The following CLYBL variants were observed in gnomAD, a reference collection of about 807,000 sequenced individuals.
CLYBL encodes citramalyl-CoA lyase, mitochondrial.
Under a neutral mutation model 38.9 loss-of-function variants are expected in CLYBL, and 31 were observed. That is an observed-to-expected ratio of 0.80 (90% CI 0.60 to 1.08). The LOEUF is 1.08. Among genes scored for constraint, CLYBL ranks in the 50% least tolerant of loss-of-function variants. The pLI is 0.00. For missense variants in CLYBL, 434 were observed against 411.6 expected (o/e 1.05, Z -0.47); for synonymous variants, 171 against 158.6 (o/e 1.08, Z -0.59).
chr13:99,767,224 G>A (rs2049286515), intron 1 of CLYBL, among the ~76,000 whole-genome samples: 2 of 152,120 alleles, frequency 1.3e-5, no homozygotes, highest in Admixed American at 1.3e-4. Flanking sequence ...ATCTGCTCAG[G>A]GTTTTTTCTG....
chr13:99,779,263 CT>C (rs1244229606), intron 2 of CLYBL, among the ~76,000 whole-genome samples: 1 of 152,100 alleles, frequency 6.6e-6, no homozygotes, highest in Non-Finnish European at 1.5e-5. Flanking sequence ...CTGCCTCAGC[CT>C]CCCAAGTAGC....
rs767129851 is a variant in CLYBL at position 99,736,038 on chromosome 13, C to CTTTTTTT, written c.63-36768_63-36762dup. On this transcript the variant is annotated intron_variant, in intron 1 of 8. Transcript: ENST00000339105. Reference sequence around the variant, plus strand: ...TTACTATATCCTATACGTTTCTTTTCTTTTTTTTTTTTTTTTTTTTTTTTG... The same window carrying CTTTTTTT: ...TTACTATATCCTATACGTTTCTTTTCTTTTTTTTTTTTTTTTTTTTTTTTTTTTTTTG... 8.5e-3 allele frequency among the ~76,000 whole-genome samples: 645 copies of CTTTTTTT among 76,228 alleles called. 10 individuals carry two copies. The highest frequency in any genetic ancestry group is 0.016 in the Middle Eastern group (1 of 64). The allele number at this position is 76,228 out of a possible 152,430, so 50.0% of individuals were successfully genotyped here.
intron 7 of CLYBL, among the ~76,000 whole-genome samples, chr13:99,875,082 A>G (rs1465570261): frequency 6.6e-6 from 1 of 152,176 alleles, no homozygotes; most frequent in Admixed American, 6.5e-5. Flanking sequence ...TGGCTTTTTC[A>G]ATATTTCTCC....
At chr13:99,891,554 G>T (rs2052490620) in intron 8 of CLYBL, 117 bp downstream of exon 8, 1 of 574,984 alleles carries the variant, frequency 1.7e-6, no homozygotes, top group Non-Finnish European at 3.1e-6. Context: ...TCACAATTTT[G>T]TTGTTGTTGT....
intron 4 of CLYBL, among the ~76,000 whole-genome samples, chr13:99,863,821 C>T (rs1479425695): frequency 6.6e-6 from 1 of 152,156 alleles, no homozygotes; most frequent in African/African-American, 2.4e-5. Context: ...ATTCCCTTCC[C>T]CCACCCCAGC....
intron 1 of CLYBL, among the ~76,000 whole-genome samples, chr13:99,752,727 C>T (rs1037665835): frequency 6.6e-6 from 1 of 152,058 alleles, no homozygotes; most frequent in Non-Finnish European, 1.5e-5. Context: ...GTGTCACCCC[C>T]TCATGGCTCA....
At chr13:99,634,820 C>A (rs940933583) in intron 1 of CLYBL, among the ~76,000 whole-genome samples, 1 of 152,152 alleles carries the variant, frequency 6.6e-6, no homozygotes, top group Non-Finnish European at 1.5e-5. Context: ...TTCTTTCCTA[C>A]TCTGTTAGCA....
intron 1 of CLYBL, among the ~76,000 whole-genome samples, chr13:99,657,923 C>G (rs1192435373): frequency 6.6e-6 from 1 of 152,240 alleles, no homozygotes; most frequent in Non-Finnish European, 1.5e-5. Flanking sequence ...TCCTTAGGAG[C>G]TGCTCGCCCT....
intron 9 of CLYBL, among the ~76,000 whole-genome samples, chr13:99,907,378 G>A (rs1452808544): frequency 2.0e-5 from 3 of 152,060 alleles, no homozygotes; most frequent in African/African-American, 7.2e-5. Context: ...TGTAGGCACT[G>A]GACAAGTGTT....
intron 8 of CLYBL, among the ~76,000 whole-genome samples, chr13:99,904,076 C>G (rs542606442): frequency 6.6e-6 from 1 of 151,986 alleles, no homozygotes; most frequent in East Asian, 1.9e-4. Context: ...AAAAACCCCA[C>G]ACCTTTTTAA....
At chr13:99,744,051 C>G (rs531800914) in intron 1 of CLYBL, among the ~76,000 whole-genome samples, 94 of 143,322 alleles carry the variant, frequency 6.6e-4, no homozygotes, top group African/African-American at 2.3e-3. Context: ...CAGCTCACTG[C>G]AAGCTCCGCC....
rs531404371 is a variant in CLYBL, at chr13:99,651,200, C to A, written c.62+44443C>A. 3.9e-5 allele frequency among the ~76,000 whole-genome samples: 6 copies of A among 152,348 alleles called. No individual in the cohort carries two copies. The East Asian group carries it at 1.2e-3, about 29-fold the overall frequency. The stretch of plus-strand genomic sequence containing the variant: ...CCTGTGCTGTCTCCCATGTTAGATC[C>A]AACCACCTAGGTCATAGCGCTACTG... On this transcript the variant is annotated intron_variant, in intron 1 of 8. Transcript: ENST00000339105.
chr13:99,706,542 T>C (rs2806285), intron 1 of CLYBL, among the ~76,000 whole-genome samples: 38,262 of 152,086 alleles, frequency 0.25, 6,625 homozygotes, highest in African/African-American at 0.49. Context: ...CCAAAACTTA[T>C]CAATAGAGTA....
intron 1 of CLYBL, among the ~76,000 whole-genome samples, chr13:99,607,583 T>G (rs1415643990): frequency 6.6e-6 from 1 of 152,146 alleles, no homozygotes; most frequent in South Asian, 2.1e-4. Context: ...ATGGTCTCAT[T>G]TGGTTCCCTT....
At chr13:99,783,612 A>G (rs1420976419) in intron 2 of CLYBL, among the ~76,000 whole-genome samples, 1 of 150,964 alleles carries the variant, frequency 6.6e-6, no homozygotes, top group Non-Finnish European at 1.5e-5. Flanking sequence ...GCCTGCCACC[A>G]CTCCTGGCTA....
intron 2 of CLYBL, among the ~76,000 whole-genome samples, chr13:99,790,536 C>G (rs897276835): frequency 6.6e-6 from 1 of 152,218 alleles, no homozygotes; most frequent in African/African-American, 2.4e-5. Context: ...GGCCCCCACT[C>G]TATTCTGGCT....
In CLYBL at chr13:99,800,895, A is replaced by AAC. The variant is rs200146933; in HGVS notation, c.249+27886_249+27887insCA. Among the ~76,000 whole-genome samples the AAC allele has an allele frequency of 2.8e-5, 3 of 107,982 alleles. No homozygotes were observed. In the East Asian group the frequency reaches 9.3e-4, roughly 33 times the overall value. The allele number at this position is 107,982 out of a possible 152,430, so 70.8% of individuals were successfully genotyped here. ...TCTCAAATTAAAAAACAACAACAAC[A>AAC]AAAAAAAAAAACAAAAAAAAAAAAA... On this transcript the variant is annotated intron_variant, in intron 2 of 8. Coordinates refer to ENST00000339105, the MANE Select transcript of CLYBL (RefSeq NM_206808.5).
At chr13:99,621,424 G>A (rs1273638512) in intron 1 of CLYBL, among the ~76,000 whole-genome samples, 2 of 152,140 alleles carry the variant, frequency 1.3e-5, no homozygotes, top group South Asian at 4.2e-4. Context: ...CATCTGTCTC[G>A]TCCCTGAGAG....
At chr13:99,628,012 C>T (rs1185194177) in intron 1 of CLYBL, among the ~76,000 whole-genome samples, 1 of 152,150 alleles carries the variant, frequency 6.6e-6, no homozygotes, top group Non-Finnish European at 1.5e-5. Flanking sequence ...GTTATTAAAA[C>T]TTCATATAAA....
Sources: allele counts gnomAD v4.1 joint callset (sites outside exome capture counted in the v4.1 genomes callset), GRCh38; gene constraint gnomAD v4.1.1; transcripts MANE v1.5; gene names NCBI Gene and HGNC (gene_info 2026-07-23, HGNC 2026-07-21).